Variants in PKHD1 observed in about 807,000 individuals in gnomAD.
PKHD1 encodes PKHD1 ciliary IPT domain containing fibrocystin/polyductin, also known as fibrocystin.
PKHD1 carries 291 observed loss-of-function variants against 412.0 expected under a neutral mutation model. That is an observed-to-expected ratio of 0.71 (90% CI 0.64 to 0.78). The LOEUF (loss-of-function observed/expected upper bound fraction) is 0.78, where lower values mean the gene tolerates loss of function less well. Among genes scored for constraint, PKHD1 ranks in the 30% least tolerant of loss-of-function variants. PKHD1 has a pLI of 0.00. For synonymous variants in PKHD1, 1,777 were observed against 1,821.5 expected, an observed-to-expected ratio of 0.98 and a Z score of 0.62; for missense variants, 4,825 against 4,950.7, an observed-to-expected ratio of 0.97 and a Z score of 0.76.
At chr6:51,833,972 T>C (rs185713533) in intron 51 of PKHD1, among the ~76,000 whole-genome samples, 1 of 152,260 alleles carries the variant, frequency 6.6e-6, no homozygotes, top group Admixed American at 6.5e-5. Context: ...TGTACAAATT[T>C]GTCCCTCAAC....
chr6:51,629,785 T>A lies in PKHD1; in HGVS notation c.11666-2669A>T, dbSNP rs142081356. Among the ~76,000 whole-genome samples, 18 of 152,254 alleles carry A rather than the reference T, an allele frequency of 1.2e-4. No homozygotes were observed. In the East Asian group the frequency reaches 2.3e-3, roughly 20 times the overall value. On this transcript the variant is annotated intron_variant, in intron 65 of 66. Transcript: ENST00000371117. ...ACTTGAAAGAGCTTGAAATAATGAT[T>A]GAGAAATTATGGTTATTCATACTTG...
chr6:51,738,216 ACT>A (rs1487208311), intron 60 of PKHD1, among the ~76,000 whole-genome samples: 1 of 152,152 alleles, frequency 6.6e-6, no homozygotes, highest in Non-Finnish European at 1.5e-5. Context: ...CAGCTAGCGC[ACT>A]CCAACACAGC....
At chr6:52,019,178 G>C (rs1801016982) in intron 33 of PKHD1, among the ~76,000 whole-genome samples, 1 of 152,176 alleles carries the variant, frequency 6.6e-6, no homozygotes, top group African/African-American at 2.4e-5. Context: ...AAAAATCTCT[G>C]TAGCCTGCTT....
intron 35 of PKHD1, among the ~76,000 whole-genome samples, chr6:51,999,587 T>C (rs1248075070): frequency 6.6e-6 from 1 of 152,156 alleles, no homozygotes; most frequent in Non-Finnish European, 1.5e-5. Context: ...GCTGTGGGAA[T>C]AAAAGCAAGG....
chr6:52,004,517 C>T (rs1798824611), intron 35 of PKHD1, among the ~76,000 whole-genome samples: 1 of 152,072 alleles, frequency 6.6e-6, no homozygotes. Context: ...TGCTTTTTTT[C>T]TCAGGTTCTT....
intron 52 of PKHD1, among the ~76,000 whole-genome samples, chr6:51,811,134 C>T (rs532664826): frequency 2.8e-4 from 43 of 152,178 alleles, no homozygotes; most frequent in African/African-American, 1.0e-3. Flanking sequence ...TTATTTTTCT[C>T]CAGGTTCTGA....
chr6:51,739,415 G>A lies in PKHD1; in HGVS notation c.10156+4970C>T, dbSNP rs146954587. ...CTGGCTAATTTTTCTATTTTTAGTA[G>A]AGACGGATTTTCATCACATTGGCCA... is the stretch of plus-strand genomic sequence containing the variant. On this transcript the variant is annotated intron_variant, in intron 60 of 66. Coordinates refer to ENST00000371117, the MANE Select transcript of PKHD1 (RefSeq NM_138694.4). 6.6e-3 allele frequency among the ~76,000 whole-genome samples: 1,005 copies of A among 152,172 alleles called. 12 individuals are homozygous for A. The highest frequency in any genetic ancestry group is 0.023 in the African/African-American group (974 of 41,524).
At chr6:51,884,091 G>C (rs1466684408) in intron 45 of PKHD1, among the ~76,000 whole-genome samples, 1 of 152,132 alleles carries the variant, frequency 6.6e-6, no homozygotes, top group Admixed American at 6.5e-5. Flanking sequence ...GACACCACTG[G>C]TCTGGGAGAC....
At chr6:51,855,778 G>T in intron 49 of PKHD1, 115 bp downstream of exon 49, 1 of 855,352 alleles carries the variant, frequency 1.2e-6, no homozygotes, top group Non-Finnish European at 2.0e-6. Context: ...ATCAGAATAT[G>T]CCAAGACTTT....
In PKHD1 at chr6:52,028,162, G is replaced by A; in HGVS notation, c.3554C>T (p.Ser1185Leu). 1 of 1,613,936 alleles carries A rather than the reference G, an allele frequency of 6.2e-7. No individual in the cohort carries two copies. The highest frequency in any genetic ancestry group is 8.5e-7 in the Non-Finnish European group (1 of 1,179,750). The change falls in exon 30 of 67, where the codon TCA (serine) becomes TTA (leucine). Residue 1185 changes from serine (S) to leucine (L), a missense_variant. Physicochemically the swap from Ser to Leu is moderately radical, Grantham distance 145. Transcript: ENST00000371117. ...SVSINGVSIH[S>L]QGVDLHIQYL... ...ATGCAAGTGGTCACCTCACCCTTGTGAGTGAATGCTGACCCCATTGATAGA... is the reference window on the plus strand; with the variant it reads ...ATGCAAGTGGTCACCTCACCCTTGTAAGTGAATGCTGACCCCATTGATAGA...
At position 51,772,772 on chromosome 6, in the gene PKHD1, G is replaced by T. The variant is rs755402070; in HGVS notation, c.8572C>A (p.His2858Asn). Reference protein sequence around the residue: ...PGTIGVYGKVHLYSAYPKNSW... With the variant: ...PGTIGVYGKVNLYSAYPKNSW... Reference sequence around the variant, plus strand: ...TTCTTAGGATAAGCACTGTAAAGATGAACTTTCCCATAAACCCCTGAAAAT... The same window carrying T: ...TTCTTAGGATAAGCACTGTAAAGATTAACTTTCCCATAAACCCCTGAAAAT... The change falls in exon 55 of 67, where the codon CAT becomes AAT. Residue 2858 changes from histidine to asparagine, a missense_variant. Physicochemically the swap from His to Asn is moderately conservative, Grantham distance 68. Coordinates refer to ENST00000371117, the MANE Select transcript of PKHD1 (RefSeq NM_138694.4). 6.3e-7 allele frequency: 1 copy of T among 1,586,272 alleles called. No homozygotes were observed. The highest frequency in any genetic ancestry group is 1.7e-5 in the Admixed American group (1 of 59,808).
chr6:51,891,148 T>C (rs549467815), intron 43 of PKHD1, among the ~76,000 whole-genome samples: 21 of 152,348 alleles, frequency 1.4e-4, no homozygotes, highest in Admixed American at 1.3e-3. Flanking sequence ...TATTCTCCAT[T>C]TCTTTATCCT....
At chr6:51,790,927 C>T (rs1793633842) in intron 53 of PKHD1, among the ~76,000 whole-genome samples, 1 of 152,080 alleles carries the variant, frequency 6.6e-6, no homozygotes, top group African/African-American at 2.4e-5. Context: ...CATATTCTGA[C>T]ACAAAGAAAA....
At chr6:51,683,148 C>A (rs182054418) in intron 60 of PKHD1, among the ~76,000 whole-genome samples, 1 of 152,116 alleles carries the variant, frequency 6.6e-6, no homozygotes, top group Admixed American at 6.6e-5. Context: ...AGAGTTCTTA[C>A]AAATAAGATT....
chr6:51,795,501 T>C (rs767515811), intron 52 of PKHD1, among the ~76,000 whole-genome samples: 2 of 152,186 alleles, frequency 1.3e-5, no homozygotes, highest in African/African-American at 2.4e-5. Context: ...CCTCTCCTCC[T>C]AGTTAAATAT....
chr6:52,002,715 G>C (rs1407357462), intron 35 of PKHD1, among the ~76,000 whole-genome samples: 1 of 152,104 alleles, frequency 6.6e-6, no homozygotes, highest in Non-Finnish European at 1.5e-5. Flanking sequence ...GGGAAGGGGA[G>C]GGAAGACAAA....
At chr6:52,065,513 C>T (rs1175404572) in intron 12 of PKHD1, among the ~76,000 whole-genome samples, 2 of 152,044 alleles carry the variant, frequency 1.3e-5, no homozygotes, top group African/African-American at 2.4e-5. Flanking sequence ...TGCTACAGGA[C>T]CTGGCAAAAC....
chr6:51,796,517 G>C (rs1794630483), intron 52 of PKHD1, among the ~76,000 whole-genome samples: 2 of 151,234 alleles, frequency 1.3e-5, no homozygotes, highest in Admixed American at 1.3e-4. Context: ...TCAGATCTTG[G>C]TTATTTCTTG....
chr6:51,789,846 G>A (rs1244296535), intron 53 of PKHD1, among the ~76,000 whole-genome samples: 1 of 152,168 alleles, frequency 6.6e-6, no homozygotes, highest in East Asian at 1.9e-4. Context: ...ATTAAAAGGA[G>A]TAAGATACTT....
Sources: allele counts gnomAD v4.1 joint callset (sites outside exome capture counted in the v4.1 genomes callset), GRCh38; gene constraint gnomAD v4.1.1; transcripts MANE v1.5; gene names NCBI Gene and HGNC (gene_info 2026-07-23, HGNC 2026-07-21).